Variants in PARD3 observed in about 807,000 individuals in gnomAD.
The protein encoded by PARD3 is partitioning defective 3 homolog.
A neutral mutation model predicts 155.4 loss-of-function variants in PARD3; 75 were observed. That is an observed-to-expected ratio of 0.48 (90% confidence interval 0.40 to 0.58). The LOEUF is 0.58. PARD3 is among the 20% of genes least tolerant of loss of function. The probability of loss-of-function intolerance (pLI) is 0.00; values close to 1 mark genes in which losing one functional copy is unlikely to be tolerated. For missense variants in PARD3, 1,642 were observed against 1,721.7 expected, an observed-to-expected ratio of 0.95 and a Z score of 0.82; for synonymous variants, 576 against 610.5, an observed-to-expected ratio of 0.94 and a Z score of 0.83.
intron 2 of PARD3, among the ~76,000 whole-genome samples, chr10:34,665,443 C>A (rs1403424079): frequency 6.6e-6 from 1 of 152,106 alleles, no homozygotes; most frequent in African/African-American, 2.4e-5. Flanking sequence ...TCACTTGAAC[C>A]TGGGAGGTAG....
intron 1 of PARD3, among the ~76,000 whole-genome samples, chr10:34,750,492 CACACACACACACACACA>C (rs1835875513): frequency 6.6e-6 from 1 of 150,984 alleles, no homozygotes. Context: ...CACACACACA[CACACACACACACACACA>C]CCCTAAGACT....
chr10:34,406,129 C>G (rs1844448122), intron 5 of PARD3, among the ~76,000 whole-genome samples: 1 of 152,112 alleles, frequency 6.6e-6, no homozygotes, highest in Non-Finnish European at 1.5e-5. Flanking sequence ...CAGACTAAAA[C>G]TAGGAATATT....
At chr10:34,247,679 G>A (rs528190424) in intron 22 of PARD3, among the ~76,000 whole-genome samples, 1 of 152,198 alleles carries the variant, frequency 6.6e-6, no homozygotes, top group East Asian at 1.9e-4. Context: ...GTAACAAGGA[G>A]GCTTGGGATG....
chr10:34,814,832 T>TGCCC, intron 1 of PARD3, 44 bp downstream of exon 1: 5 of 1,202,336 alleles, frequency 4.2e-6, no homozygotes, highest in East Asian at 3.0e-5. Context: ...CCCGGCGCCG[T>TGCCC]CCCCGCCGCC....
intron 1 of PARD3, among the ~76,000 whole-genome samples, chr10:34,726,020 G>A (rs1399064926): frequency 6.6e-6 from 1 of 152,140 alleles, no homozygotes; most frequent in East Asian, 1.9e-4. Context: ...AGACTTAAGG[G>A]AGTGTAAAGG....
chr10:34,696,249 C>A (rs1490221387), intron 2 of PARD3, 69 bp downstream of exon 2: 2 of 801,014 alleles, frequency 2.5e-6, no homozygotes, highest in Non-Finnish European at 4.3e-6. Context: ...GGAAAAGAAT[C>A]GCACCCGCTC....
At chr10:34,778,793 A>G (rs1008390123) in intron 1 of PARD3, among the ~76,000 whole-genome samples, 9 of 152,220 alleles carry the variant, frequency 5.9e-5, no homozygotes, top group Non-Finnish European at 8.8e-5. Context: ...CAAAAAAAAG[A>G]GCTGGCTGTT....
At chr10:34,257,198 G>C (rs1954697350) in intron 22 of PARD3, among the ~76,000 whole-genome samples, 1 of 152,152 alleles carries the variant, frequency 6.6e-6, no homozygotes, top group East Asian at 1.9e-4. Flanking sequence ...GCGGATTTAG[G>C]GCTCGATAAA....
At chr10:34,756,477 T>TTA (rs1836757807) in intron 1 of PARD3, among the ~76,000 whole-genome samples, 7 of 83,280 alleles carry the variant, frequency 8.4e-5, no homozygotes, top group South Asian at 5.3e-4. Context: ...TTTTTTCTTA[T>TTA]AAAAAAAAAA....
At chr10:34,286,774 C>T (rs1406191416) in intron 20 of PARD3, among the ~76,000 whole-genome samples, 2 of 152,096 alleles carry the variant, frequency 1.3e-5, no homozygotes, top group African/African-American at 4.8e-5. Context: ...TTTTAATGAC[C>T]CTGGATGCAT....
intron 3 of PARD3, among the ~76,000 whole-genome samples, chr10:34,502,600 T>C (rs1299565168): frequency 6.6e-6 from 1 of 151,912 alleles, no homozygotes; most frequent in Non-Finnish European, 1.5e-5. Flanking sequence ...ACACAGACAC[T>C]CAGAACTACA....
intron 22 of PARD3, among the ~76,000 whole-genome samples, chr10:34,172,652 C>T (rs1341821778): frequency 6.6e-6 from 1 of 151,546 alleles, no homozygotes; most frequent in Non-Finnish European, 1.5e-5. Flanking sequence ...CTGTATGTCA[C>T]AACTCACTGC....
intron 22 of PARD3, among the ~76,000 whole-genome samples, chr10:34,147,424 T>C (rs1047744671): frequency 1.4e-5 from 2 of 144,694 alleles, no homozygotes; most frequent in African/African-American, 4.9e-5. Context: ...TTTTTTTCTC[T>C]AGTTTGACTT....
Position 34,680,725 on chromosome 10 carries a change from A to C in PARD3, c.222+15593T>G, listed in dbSNP as rs181518996. On this transcript the variant is annotated intron_variant, in intron 2 of 24. Coordinates refer to ENST00000374788, the MANE Select transcript of PARD3 (RefSeq NM_001184785.2). ...TGGAAATCATCATTCTCAGTAAACTATCGCAAGAGCAAAAAACCAAACACC... is the reference window on the plus strand; with the variant it reads ...TGGAAATCATCATTCTCAGTAAACTCTCGCAAGAGCAAAAAACCAAACACC... Among the ~76,000 whole-genome samples, 32 of 151,776 alleles carry C rather than the reference A, an allele frequency of 2.1e-4. No homozygotes were observed. The East Asian group carries it at 5.6e-3, about 27-fold the overall frequency.
intron 20 of PARD3, among the ~76,000 whole-genome samples, chr10:34,284,874 T>C (rs1171816817): frequency 6.6e-6 from 1 of 152,204 alleles, no homozygotes; most frequent in African/African-American, 2.4e-5. Flanking sequence ...CTATGACTTA[T>C]AAATCCACAT....
At chr10:34,642,594 C>CA (rs2092713236) in intron 2 of PARD3, among the ~76,000 whole-genome samples, 1 of 152,144 alleles carries the variant, frequency 6.6e-6, no homozygotes, top group Admixed American at 6.5e-5. Flanking sequence ...ATGGCACCCC[C>CA]ACTCGGCATG....
intron 3 of PARD3, among the ~76,000 whole-genome samples, chr10:34,488,351 G>A (rs372272701): frequency 6.6e-6 from 1 of 151,162 alleles, no homozygotes; most frequent in East Asian, 1.9e-4. Flanking sequence ...ACAGAGTCTC[G>A]CTCTGTCACC....
chr10:34,593,656 T>A (rs1464245528), intron 2 of PARD3, among the ~76,000 whole-genome samples: 1 of 152,190 alleles, frequency 6.6e-6, no homozygotes, highest in Admixed American at 6.5e-5. Context: ...TGGACTTGAA[T>A]AGAACCTTGA....
intron 2 of PARD3, among the ~76,000 whole-genome samples, chr10:34,637,286 T>A (rs115325599): frequency 0.017 from 2,599 of 152,286 alleles, 71 homozygotes; most frequent in African/African-American, 0.06. Flanking sequence ...ATGCAAGCTT[T>A]TTCCCAACTA....
Sources: allele counts gnomAD v4.1 joint callset (sites outside exome capture counted in the v4.1 genomes callset), GRCh38; gene constraint gnomAD v4.1.1; transcripts MANE v1.5; gene names NCBI Gene and HGNC (gene_info 2026-07-23, HGNC 2026-07-21).